Variants in MACROD1 observed in about 807,000 individuals in gnomAD.
The protein encoded by MACROD1 is ADP-ribose glycohydrolase MACROD1.
In MACROD1, 31 loss-of-function variants were observed where a neutral mutation model predicts 41.4. That is an observed-to-expected ratio of 0.75 (90% confidence interval 0.56 to 1.01). MACROD1 has a LOEUF of 1.01. Ranked by LOEUF, MACROD1 falls within the 50% of genes least tolerant of loss-of-function variation. The probability of loss-of-function intolerance (pLI) is 0.00; values close to 1 mark genes in which losing one functional copy is unlikely to be tolerated. For synonymous variants in MACROD1, 252 were observed against 203.4 expected (o/e 1.24, Z -2.03); for missense variants, 473 against 460.0 (o/e 1.03, Z -0.26).
chr11:64,034,065 C>T (rs574156272), intron 3 of MACROD1, among the ~76,000 whole-genome samples: 42 of 152,318 alleles, frequency 2.8e-4, no homozygotes, highest in African/African-American at 9.9e-4. Context: ...CGCTCTGTGC[C>T]AGCTCTGTGG....
Position 64,000,333 on chromosome 11 carries a change from G to A in MACROD1, c.558C>T (p.Cys186=), listed in dbSNP as rs1187563670. 4.4e-6 allele frequency: 7 copies of A among 1,580,514 alleles called. No individual in the cohort carries two copies. The East Asian group carries it at 1.6e-4, about 37-fold the overall frequency. The change falls in exon 5 of 11, where the codon TGC becomes TGT. Residue 186 remains cysteine, a synonymous_variant. Coordinates refer to ENST00000255681, the MANE Select transcript of MACROD1 (RefSeq NM_014067.4). ...GCAGGGGGCCGGCGGCCCGATGAAT[G>A]CAGCCGTCCACTGCGGGAAGGGCGG... is the stretch of plus-strand genomic sequence containing the variant. ...SLLGGGGVDG[C]IHRAAGPLLT...
Position 64,117,500 on chromosome 11 carries a change from C to T in MACROD1, c.517+33739G>A, listed in dbSNP as rs780366357. 26 of 1,610,288 alleles carry T rather than the reference C, an allele frequency of 1.6e-5. No homozygotes were observed. The Middle Eastern group carries it at 6.6e-4, about 41-fold the overall frequency. On this transcript the variant is annotated intron_variant, in intron 3 of 10. Coordinates refer to ENST00000255681, the MANE Select transcript of MACROD1 (RefSeq NM_014067.4). ...CCACGCCCCAGGGTTCCCTGTTTAC[C>T]CTCAAGGCCAAAAGGCCAGGGCTGC... is the stretch of plus-strand genomic sequence containing the variant.
chr11:64,109,143 C>G (rs975467675), intron 3 of MACROD1, among the ~76,000 whole-genome samples: 13 of 152,020 alleles, frequency 8.6e-5, no homozygotes, highest in Admixed American at 1.3e-4. Context: ...TGAGGCCAGA[C>G]AGGGATGGGG....
chr11:64,101,050 T>C (rs1944661843), intron 3 of MACROD1, among the ~76,000 whole-genome samples: 1 of 152,142 alleles, frequency 6.6e-6, no homozygotes, highest in South Asian at 2.1e-4. Flanking sequence ...AGGTCCTCCC[T>C]TGAAGCCAGG....
chr11:64,116,843 C>T, intron 3 of MACROD1: 2 of 1,612,806 alleles, frequency 1.2e-6, no homozygotes, highest in Non-Finnish European at 1.7e-6. Flanking sequence ...TGAGCAGCAT[C>T]CCCTCGGGGC....
intron 4 of MACROD1, among the ~76,000 whole-genome samples, chr11:64,013,373 C>T (rs1001825942): frequency 7.2e-5 from 11 of 152,268 alleles, no homozygotes; most frequent in Admixed American, 3.3e-4. Flanking sequence ...CAAGGCCTGT[C>T]GGAGTGAACG....
chr11:64,119,183 T>C (rs1333329257), intron 3 of MACROD1: 1 of 167,182 alleles, frequency 6.0e-6, no homozygotes, highest in Non-Finnish European at 1.5e-5. Context: ...TGCTTTCTCC[T>C]AGAAATCCTT....
chr11:64,094,994 A>G (rs1039530436), intron 3 of MACROD1, among the ~76,000 whole-genome samples: 3 of 152,184 alleles, frequency 2.0e-5, no homozygotes, highest in Non-Finnish European at 4.4e-5. Context: ...TGTGGCTTCA[A>G]AGAGCCTCGT....
intron 3 of MACROD1, among the ~76,000 whole-genome samples, chr11:64,132,972 C>T (rs1235201761): frequency 6.6e-6 from 1 of 152,208 alleles, no homozygotes; most frequent in Non-Finnish European, 1.5e-5. Context: ...GGGTTCCCCC[C>T]ACTGCCCCGA....
intron 3 of MACROD1, among the ~76,000 whole-genome samples, chr11:64,107,048 T>C (rs1944775158): frequency 6.6e-6 from 1 of 152,044 alleles, no homozygotes; most frequent in African/African-American, 2.4e-5. Context: ...CATGCCCAGC[T>C]AATTTTTGTA....
At chr11:64,065,176 G>A (rs1283253986) in intron 3 of MACROD1, among the ~76,000 whole-genome samples, 1 of 152,198 alleles carries the variant, frequency 6.6e-6, no homozygotes, top group Non-Finnish European at 1.5e-5. Flanking sequence ...ACGGGTGCAG[G>A]ACAGAGTTTC....
At chr11:64,058,057 C>T (rs539949991) in intron 3 of MACROD1, among the ~76,000 whole-genome samples, 1 of 152,376 alleles carries the variant, frequency 6.6e-6, no homozygotes, top group South Asian at 2.1e-4. Context: ...TAATCTGCGA[C>T]ACTGGGCTGC....
Position 64,113,242 on chromosome 11 carries a change from T to C in MACROD1, c.517+37997A>G, listed in dbSNP as rs2134599514. On this transcript the variant is annotated intron_variant, in intron 3 of 10. Coordinates refer to ENST00000255681, the MANE Select transcript of MACROD1 (RefSeq NM_014067.4). ...TAAATGACTTAAATATTAGGAAAGT[T>C]CTCAGCAAAGCCTTTATTATAGTGT... Among the ~76,000 whole-genome samples the C allele has an allele frequency of 2.0e-5, 3 of 152,368 alleles. No individual in the cohort carries two copies. The South Asian group carries it at 6.2e-4, about 32-fold the overall frequency.
intron 1 of MACROD1, among the ~76,000 whole-genome samples, chr11:64,160,348 C>G (rs1945735523): frequency 6.6e-6 from 1 of 152,172 alleles, no homozygotes; most frequent in Admixed American, 6.5e-5. Flanking sequence ...ATTTCCCCAC[C>G]ACAAACTGCA....
chr11:64,043,867 G>A (rs969270620), intron 3 of MACROD1, among the ~76,000 whole-genome samples: 2 of 150,218 alleles, frequency 1.3e-5, no homozygotes, highest in Non-Finnish European at 3.0e-5. Context: ...ACTGGAGTGC[G>A]ATGGTGCAAT....
chr11:64,145,396 C>A (rs1170636661), intron 3 of MACROD1, among the ~76,000 whole-genome samples: 1 of 152,166 alleles, frequency 6.6e-6, no homozygotes, highest in Non-Finnish European at 1.5e-5. Context: ...TTATACTCTG[C>A]TTAGTAGCTC....
At chr11:64,009,181 C>T (rs563875899) in intron 4 of MACROD1, 20 of 152,224 alleles carry the variant, frequency 1.3e-4, no homozygotes, top group Middle Eastern at 3.4e-3. Flanking sequence ...AGGGCTCTGT[C>T]GATTCCCATC....
intron 3 of MACROD1, chr11:64,117,642 C>T (rs761911540): frequency 1.2e-6 from 2 of 1,613,758 alleles, no homozygotes; most frequent in East Asian, 4.5e-5. Flanking sequence ...GAAGGCCACG[C>T]TCCCCGCCTC....
chr11:64,165,141 G>A (rs1358805078), intron 1 of MACROD1, among the ~76,000 whole-genome samples: 2 of 152,248 alleles, frequency 1.3e-5, no homozygotes, highest in African/African-American at 4.8e-5. Flanking sequence ...GGCTTGGGGT[G>A]GGGTGGAGGC....
Sources: gnomAD v4.1 joint callset for allele counts (sites outside exome capture counted in the v4.1 genomes callset) on GRCh38, gnomAD v4.1.1 for gene constraint, MANE v1.5 for transcripts, NCBI Gene and HGNC (gene_info 2026-07-23, HGNC 2026-07-21) for gene names.